Variants in TXNRD2 observed in about 807,000 individuals in gnomAD.
TXNRD2 encodes the protein thioredoxin reductase 2, mitochondrial.
TXNRD2 carries 67 observed loss-of-function variants against 70.8 expected under a neutral mutation model. The observed-to-expected ratio is 0.95, with a 90% CI of 0.78 to 1.16. The LOEUF is 1.16. Among genes scored for constraint, TXNRD2 ranks in the 50% most tolerant of loss-of-function variants. The pLI, the probability that TXNRD2 is intolerant of heterozygous loss-of-function variation, is 0.00. For missense variants in TXNRD2, 644 were observed against 719.9 expected (o/e 0.89, Z 1.21); for synonymous variants, 301 against 295.8 (o/e 1.02, Z -0.18).
In TXNRD2 at chr22:19,934,097, T is replaced by G. The variant is rs1217782685; in HGVS notation, c.104-2999A>C. Among the ~76,000 whole-genome samples the G allele has an allele frequency of 2.6e-5, 4 of 152,256 alleles. No homozygotes were observed. The East Asian group carries it at 7.7e-4, about 29-fold the overall frequency. On this transcript the variant is annotated intron_variant, in intron 1 of 17. Coordinates refer to ENST00000400521, the MANE Select transcript of TXNRD2 (RefSeq NM_006440.5). ...CACAGGCAGGCTGGCCACCTCAGGG[T>G]GCCACCTCAGGGGCCCTCCTGTATG...
chr22:19,878,963 A>C (rs1938632611), intron 14 of TXNRD2, among the ~76,000 whole-genome samples: 1 of 152,236 alleles, frequency 6.6e-6, no homozygotes, highest in African/African-American at 2.4e-5. Context: ...CGGCCAAGTA[A>C]AAAATGAGTG....
At chr22:19,927,651 C>CAAAAAAAAAAAAAAAA (rs149665821) in intron 2 of TXNRD2, among the ~76,000 whole-genome samples, 5 of 68,380 alleles carry the variant, frequency 7.3e-5, no homozygotes, top group Non-Finnish European at 1.1e-4. Flanking sequence ...GACCTTGTCT[C>CAAAAAAAAAAAAAAAA]AAAAAAAAAA....
At position 19,895,185 on chromosome 22, in the gene TXNRD2, G is replaced by A. The variant is rs376616232; in HGVS notation, c.949+222C>T. ...ATGTCCCACGGTGGTGGGGAGACAC[G>A]CAGAGATGCAAGGTGCTGGGGATGG... On this transcript the variant is annotated intron_variant, in intron 11 of 17. Coordinates refer to ENST00000400521, the MANE Select transcript of TXNRD2 (RefSeq NM_006440.5). 75 of 1,598,354 alleles carry A rather than the reference G, an allele frequency of 4.7e-5. No individual in the cohort carries two copies. In the African/African-American group the frequency reaches 6.8e-4, roughly 14 times the overall value.
intron 2 of TXNRD2, among the ~76,000 whole-genome samples, chr22:19,923,381 C>T (rs775402164): frequency 6.6e-6 from 1 of 152,132 alleles, no homozygotes; most frequent in Non-Finnish European, 1.5e-5. Flanking sequence ...GAAGGGGCTG[C>T]GATGCTCCCA....
At chr22:19,924,534 T>C (rs1434428714) in intron 2 of TXNRD2, among the ~76,000 whole-genome samples, 1 of 152,078 alleles carries the variant, frequency 6.6e-6, no homozygotes, top group Non-Finnish European at 1.5e-5. Flanking sequence ...ACTGCCCCAC[T>C]AGCCATTCTG....
chr22:19,899,707 C>T (rs1939685123), intron 8 of TXNRD2, among the ~76,000 whole-genome samples: 1 of 152,252 alleles, frequency 6.6e-6, no homozygotes, highest in African/African-American at 2.4e-5. Context: ...TTTGCATGCA[C>T]ATGTACTCAC....
intron 11 of TXNRD2, chr22:19,895,087 T>C (rs1270645705): frequency 6.3e-7 from 1 of 1,597,144 alleles, no homozygotes; most frequent in South Asian, 1.1e-5. Context: ...AAGGCGAGGA[T>C]GATTGCCTAG....
At position 19,896,255 on chromosome 22, in the gene TXNRD2, G is replaced by GCACA. The variant is rs1454259504; in HGVS notation, c.775-675_775-674insTGTG. Among the ~76,000 whole-genome samples, 226 of 138,936 alleles carry GCACA rather than the reference G, an allele frequency of 1.6e-3. 1 individual carries two copies. Among genetic ancestry groups the GCACA allele is most frequent in the Non-Finnish European group, 3.0e-3 (193 of 64,052 alleles). The allele number at this position is 138,936 out of a possible 152,430, so 91.1% of individuals were successfully genotyped here. On this transcript the variant is annotated intron_variant, in intron 10 of 17. Transcript: ENST00000400521. Reference sequence around the variant, plus strand: ...GGAGCTTGCAGTGAGCCGAGATTGTGCCACTGCACTCCAGCCTGGGTGACA... The same window carrying GCACA: ...GGAGCTTGCAGTGAGCCGAGATTGTGCACACCACTGCACTCCAGCCTGGGTGACA...
chr22:19,919,955 C>G (rs113896230), intron 2 of TXNRD2, among the ~76,000 whole-genome samples: 1 of 152,182 alleles, frequency 6.6e-6, no homozygotes, highest in South Asian at 2.1e-4. Context: ...TGCATGTTCA[C>G]GTTCACCATA....
Position 19,878,349 on chromosome 22 carries a change from G to A in TXNRD2, c.1347+17C>T. 3 of 1,613,544 alleles carry A rather than the reference G, an allele frequency of 1.9e-6. No homozygotes were observed. Among genetic ancestry groups the A allele is most frequent in the Non-Finnish European group, 2.5e-6 (3 of 1,179,812 alleles). ...CTCCCTCTCATCCTCAGCACCCTGGGCCACAGGGATGCTCACCTTTACATA... is the reference window on the plus strand; with the variant it reads ...CTCCCTCTCATCCTCAGCACCCTGGACCACAGGGATGCTCACCTTTACATA... On this transcript the variant is annotated intron_variant, in intron 15 of 17. Coordinates refer to ENST00000400521, the MANE Select transcript of TXNRD2 (RefSeq NM_006440.5).
intron 6 of TXNRD2, among the ~76,000 whole-genome samples, 179 bp downstream of exon 6, chr22:19,915,586 A>G (rs527731566): frequency 1.3e-5 from 2 of 152,362 alleles, no homozygotes; most frequent in East Asian, 3.9e-4. Context: ...TCCGAGCAGC[A>G]GGGCAGCAAA....
chr22:19,877,205 C>T lies in TXNRD2; in HGVS notation c.1475G>A (p.Arg492Gln), dbSNP rs368561764. The T allele has an allele frequency of 4.5e-5, 73 of 1,611,258 alleles. No homozygotes were observed. Among genetic ancestry groups the T allele is most frequent in the African/African-American group, 2.9e-4 (22 of 74,848 alleles). Residue 492 changes from arginine to glutamine, a missense_variant, in exon 17 of 18, where the codon CGG becomes CAG. This residue lies in a region of TXNRD2 where 566 missense variants were observed against 645.0 expected (regional missense o/e 0.88). Coordinates refer to ENST00000400521, the MANE Select transcript of TXNRD2 (RefSeq NM_006440.5). ...KCGASYAQVM[R>Q]TVGIHPTCSE... ...GCATGTGGGATGGATACCCACGGTC[C>T]GCATCACCTGCGCATAGGAAGCCCC...
rs1939348051 is a variant in TXNRD2 at position 19,893,357 on chromosome 22, G to A, written c.949+2050C>T. ...CCCGCCTTCAACATGCAAGTTGACA[G>A]GGTGATTGGGAAAACTAGGAGCCTA... is the stretch of plus-strand genomic sequence containing the variant. On this transcript the variant is annotated intron_variant, in intron 11 of 17. Coordinates refer to ENST00000400521, the MANE Select transcript of TXNRD2 (RefSeq NM_006440.5). 2.0e-5 allele frequency among the ~76,000 whole-genome samples: 3 copies of A among 152,242 alleles called. No homozygotes were observed. In the South Asian group the frequency reaches 6.2e-4, roughly 31 times the overall value.
At chr22:19,891,503 G>T (rs906026364) in intron 11 of TXNRD2, 1 of 152,406 alleles carries the variant, frequency 6.6e-6, no homozygotes, top group South Asian at 2.1e-4. Flanking sequence ...TCCAGAGGCA[G>T]TCTGTCCCTT....
chr22:19,903,311 C>T (rs889339125), intron 8 of TXNRD2, among the ~76,000 whole-genome samples: 2 of 152,248 alleles, frequency 1.3e-5, no homozygotes, highest in Non-Finnish European at 2.9e-5. Flanking sequence ...GAGGAGGCTG[C>T]GGTCTCATTC....
intron 8 of TXNRD2, among the ~76,000 whole-genome samples, chr22:19,909,943 C>CCACA (rs535309247): frequency 5.5e-4 from 71 of 129,746 alleles, no homozygotes; most frequent in African/African-American, 1.9e-3. Flanking sequence ...CACTCACACA[C>CCACA]CACACACACA....
intron 8 of TXNRD2, among the ~76,000 whole-genome samples, chr22:19,906,207 T>C (rs1192266361): frequency 6.6e-6 from 1 of 152,160 alleles, no homozygotes; most frequent in Non-Finnish European, 1.5e-5. Flanking sequence ...CACATGGGCA[T>C]GCTCACAGAC....
chr22:19,901,634 C>T (rs1314762498), intron 8 of TXNRD2, among the ~76,000 whole-genome samples: 1 of 152,164 alleles, frequency 6.6e-6, no homozygotes, highest in Admixed American at 6.5e-5. Flanking sequence ...TTCAGACCAG[C>T]TAAAGTAAAA....
At chr22:19,890,044 T>C (rs911897313) in intron 11 of TXNRD2, among the ~76,000 whole-genome samples, 1 of 152,166 alleles carries the variant, frequency 6.6e-6, no homozygotes, top group African/African-American at 2.4e-5. Context: ...TGGACATAAG[T>C]GTGAACTAGC....
Sources: allele counts gnomAD v4.1 joint callset (sites outside exome capture counted in the v4.1 genomes callset), GRCh38; gene constraint gnomAD v4.1.1; regional missense constraint gnomAD v4.1.1; transcripts MANE v1.5; gene names NCBI Gene and HGNC (gene_info 2026-07-23, HGNC 2026-07-21).